KLHL22: variants seen among roughly 807,000 people sequenced by gnomAD.
KLHL22 encodes the protein kelch like family member 22.
Under a neutral mutation model 60.7 loss-of-function variants are expected in KLHL22, and 18 were observed. That is an observed-to-expected ratio of 0.30 (90% CI 0.20 to 0.44). The LOEUF (loss-of-function observed/expected upper bound fraction) is 0.44. KLHL22 is among the 20% of genes least tolerant of loss of function. The probability of loss-of-function intolerance (pLI) is 1.00; values close to 1 mark genes in which losing one functional copy is unlikely to be tolerated. For synonymous variants in KLHL22, 355 were observed against 354.5 expected, an observed-to-expected ratio of 1.00 and a Z score of -0.01; for missense variants, 596 against 852.3, an observed-to-expected ratio of 0.70 and a Z score of 3.74.
rs965254557 is a variant in KLHL22 at position 20,441,732 on chromosome 22, C to T, written c.*341G>A. On this transcript the variant is annotated 3_prime_UTR_variant, in exon 7 of 7. Transcript: ENST00000328879. ...AAAGAGGGCTACCACGTGCCTCAGCCCCCCTGCCCAGGCTGCCAGCTCCCA... is the reference window on the plus strand; with the variant it reads ...AAAGAGGGCTACCACGTGCCTCAGCTCCCCTGCCCAGGCTGCCAGCTCCCA... 59 of 247,748 alleles carry T rather than the reference C, an allele frequency of 2.4e-4. No homozygotes were observed. The highest frequency in any genetic ancestry group is 8.2e-6 in the Non-Finnish European group (1 of 122,314). The allele number at this position is 247,748 out of a possible 1,614,324, so 15.3% of individuals were successfully genotyped here.
chr22:20,471,679 A>G (rs2053329697), intron 2 of KLHL22, among the ~76,000 whole-genome samples, 164 bp from the exon 3 acceptor site: 1 of 152,166 alleles, frequency 6.6e-6, no homozygotes, highest in Non-Finnish European at 1.5e-5. Flanking sequence ...TGCATGAGCC[A>G]TCCCACAAAA....
intron 2 of KLHL22, among the ~76,000 whole-genome samples, chr22:20,473,374 T>C (rs1328073049): frequency 6.6e-6 from 1 of 152,146 alleles, no homozygotes; most frequent in Non-Finnish European, 1.5e-5. Flanking sequence ...TCTGGACAGC[T>C]GGGAGTCCCG....
At chr22:20,460,334 C>T (rs536530923) in intron 4 of KLHL22, among the ~76,000 whole-genome samples, 2 of 152,190 alleles carry the variant, frequency 1.3e-5, no homozygotes, top group East Asian at 1.9e-4. Context: ...CAGGGCCGGG[C>T]GTGGTGGCTC....
chr22:20,470,540 T>C (rs930723785), intron 3 of KLHL22, among the ~76,000 whole-genome samples: 5 of 151,888 alleles, frequency 3.3e-5, no homozygotes, highest in African/African-American at 1.2e-4. Context: ...TCCTAGCTAT[T>C]TGGGAGGCTG....
intron 3 of KLHL22, among the ~76,000 whole-genome samples, chr22:20,470,562 T>C (rs922610659): frequency 2.0e-5 from 3 of 152,076 alleles, no homozygotes; most frequent in Non-Finnish European, 4.4e-5. Context: ...GGCAGAAGGA[T>C]TGCTGGAGCC....
Position 20,465,713 on chromosome 22 carries a change from C to A in KLHL22, c.394-137G>T, listed in dbSNP as rs991816787. 6.1e-6 allele frequency: 4 copies of A among 656,992 alleles called. No individual in the cohort carries two copies. Among genetic ancestry groups the A allele is most frequent in the East Asian group, 5.2e-5 (2 of 38,584 alleles). The allele number at this position is 656,992 out of a possible 1,614,324, so 40.7% of individuals were successfully genotyped here. A position where few individuals can be genotyped will look rare whatever the true frequency, so the allele number is the denominator to read the frequency against. On this transcript the variant is annotated intron_variant, in intron 3 of 6. Transcript: ENST00000328879. The surrounding 1 kb of genome is among the most constrained non-coding windows in gnomAD (Gnocchi z 4.9). ...GAAGTCCTCCTTAATTGTCCCCGACCTTTTCTGACACACTGGAGACTGGGG... is the reference window on the plus strand; with the variant it reads ...GAAGTCCTCCTTAATTGTCCCCGACATTTTCTGACACACTGGAGACTGGGG...
chr22:20,465,726 C>T lies in KLHL22; in HGVS notation c.394-150G>A. ...ATTGTCCCCGACCTTTTCTGACACA[C>T]TGGAGACTGGGGCTTACTGCAGACT... On this transcript the variant is annotated intron_variant, in intron 3 of 6. Transcript: ENST00000328879. The surrounding 1 kb of genome is among the most constrained non-coding windows in gnomAD (Gnocchi z 4.9). The T allele has an allele frequency of 1.6e-6, 1 of 638,514 alleles. No homozygotes were observed. Among genetic ancestry groups the T allele is most frequent in the Non-Finnish European group, 2.8e-6 (1 of 354,246 alleles). The allele number at this position is 638,514 out of a possible 1,614,324, so 39.6% of individuals were successfully genotyped here.
rs1168484960 is a variant in KLHL22 at position 20,446,504 on chromosome 22, T to C, written c.1478A>G (p.Asn493Ser). 6.2e-7 allele frequency: 1 copy of C among 1,613,198 alleles called. No homozygotes were observed. Among genetic ancestry groups the C allele is most frequent in the Admixed American group, 1.7e-5 (1 of 60,020 alleles). ...RAWHGMATLLNKLYVIGGSNN... is the reference protein window; with the variant it reads ...RAWHGMATLLSKLYVIGGSNN... ...GCTGCCCCCGATCACATACAGCTTG[T>C]TGAGGAGGGTTGCCATGCCGTGCCA... The change falls in exon 6 of 7, where the codon AAC becomes AGC. Residue 493 changes from asparagine (N) to serine (S), a missense_variant. Asn to Ser is a conservative substitution (Grantham distance 46). Transcript: ENST00000328879.
chr22:20,446,591 T>C lies in KLHL22; in HGVS notation c.1391A>G (p.His464Arg), dbSNP rs771996688. 6.2e-7 allele frequency: 1 copy of C among 1,613,994 alleles called. No homozygotes were observed. Among genetic ancestry groups the C allele is most frequent in the Non-Finnish European group, 8.5e-7 (1 of 1,180,026 alleles). The change falls in exon 6 of 7, where the codon CAC becomes CGC. Residue 464 changes from histidine to arginine, a missense_variant. His to Arg is a conservative substitution (Grantham distance 29). Coordinates refer to ENST00000328879, the MANE Select transcript of KLHL22 (RefSeq NM_032775.4). ...RRGEDYLKET[H>R]CYDPGSNTWH... ...AGTGTTGCTGCCTGGATCGTAGCAGTGTGTCTCTTTCAGGTAATCCTCCCC... is the reference window on the plus strand; with the variant it reads ...AGTGTTGCTGCCTGGATCGTAGCAGCGTGTCTCTTTCAGGTAATCCTCCCC...
intron 1 of KLHL22, among the ~76,000 whole-genome samples, chr22:20,492,723 G>A (rs1037196492): frequency 3.3e-5 from 5 of 152,032 alleles, no homozygotes; most frequent in African/African-American, 1.2e-4. Flanking sequence ...CCCAGTAGCT[G>A]GGATTACAGG....
chr22:20,470,718 GCAT>G, intron 3 of KLHL22, among the ~76,000 whole-genome samples: 1 of 150,422 alleles, frequency 6.6e-6, no homozygotes, highest in Non-Finnish European at 1.5e-5. Flanking sequence ...ATGGATGCAT[GCAT>G]GGATGGATGG....
intron 2 of KLHL22, among the ~76,000 whole-genome samples, chr22:20,476,437 CGAA>C (rs1569139656): frequency 9.3e-6 from 1 of 107,740 alleles, no homozygotes; most frequent in African/African-American, 3.7e-5. Context: ...TTTTTTGAGA[CGAA>C]GTCTTGCTGT....
At chr22:20,458,654 A>C (rs2053105405) in intron 4 of KLHL22, among the ~76,000 whole-genome samples, 1 of 151,574 alleles carries the variant, frequency 6.6e-6, no homozygotes, top group Non-Finnish European at 1.5e-5. Context: ...CAGCCCCCTC[A>C]TTGGCCTCCA....
intron 5 of KLHL22, among the ~76,000 whole-genome samples, chr22:20,448,685 C>T (rs1221614098): frequency 6.6e-6 from 1 of 152,146 alleles, no homozygotes; most frequent in Non-Finnish European, 1.5e-5. Context: ...GTGCCTCAGC[C>T]TCCGGAGTAG....
In KLHL22 at chr22:20,485,964, C is replaced by T. The variant is rs538450802; in HGVS notation, c.227+3021G>A. 1.1e-4 allele frequency among the ~76,000 whole-genome samples: 17 copies of T among 150,792 alleles called. No homozygotes were observed. In the East Asian group the frequency reaches 2.8e-3, roughly 25 times the overall value. On this transcript the variant is annotated intron_variant, in intron 2 of 6. Coordinates refer to ENST00000328879, the MANE Select transcript of KLHL22 (RefSeq NM_032775.4). ...AGGGCAAATCACAAGGTCAGGAGTT[C>T]GAGATCAGCCTGGCCAACATGGTGA...
chr22:20,463,435 C>T (rs954715333), intron 4 of KLHL22, among the ~76,000 whole-genome samples: 1 of 152,190 alleles, frequency 6.6e-6, no homozygotes, highest in South Asian at 2.1e-4. Flanking sequence ...GCTGTCACCC[C>T]CCTAGGGACA....
intron 2 of KLHL22, among the ~76,000 whole-genome samples, chr22:20,477,159 G>A (rs1365479897): frequency 1.3e-5 from 2 of 151,792 alleles, no homozygotes; most frequent in Admixed American, 1.3e-4. Context: ...TTGGGAGGCC[G>A]AGGTGGGCAG....
At position 20,489,096 on chromosome 22, in the gene KLHL22, C is replaced by T; in HGVS notation, c.116G>A (p.Gly39Glu). 6.2e-7 allele frequency: 1 copy of T among 1,614,122 alleles called. No individual in the cohort carries two copies. The highest frequency in any genetic ancestry group is 8.5e-7 in the Non-Finnish European group (1 of 1,180,040). The change falls in exon 2 of 7, where the codon GGG becomes GAG. Residue 39 changes from glycine to glutamate, a missense_variant. Physicochemically the swap from Gly to Glu is moderately conservative, Grantham distance 98. Coordinates refer to ENST00000328879, the MANE Select transcript of KLHL22 (RefSeq NM_032775.4). ...TCCGCTGTCCCGGAGAGCCAGCAGC[C>T]CTCGGAGCAGAGCCTGGGAGTGCTG... ...SAQHSQALLR[G>E]LLALRDSGIL... is the part of the protein sequence containing the mutation.
chr22:20,458,445 A>ATTTTTTTT (rs938534970), intron 4 of KLHL22, among the ~76,000 whole-genome samples: 10 of 90,454 alleles, frequency 1.1e-4, no homozygotes, highest in Non-Finnish European at 1.3e-4. Context: ...AACGCCCGCT[A>ATTTTTTTT]TTTTTTTTTT....
Sources: allele counts gnomAD v4.1 joint callset (sites outside exome capture counted in the v4.1 genomes callset), GRCh38; gene constraint gnomAD v4.1.1; non-coding constraint Gnocchi (gnomAD v3.1); transcripts MANE v1.5; gene names NCBI Gene and HGNC (gene_info 2026-07-23, HGNC 2026-07-21).